The following THSD4 variants were observed in gnomAD, a reference collection of about 807,000 sequenced individuals.
The protein encoded by THSD4 is thrombospondin type-1 domain-containing protein 4.
In THSD4, 69 loss-of-function variants were observed where a neutral mutation model predicts 119.0. That is an observed-to-expected ratio of 0.58 (90% CI 0.48 to 0.71). The LOEUF is 0.71. Ranked by LOEUF, THSD4 falls within the 30% of genes least tolerant of loss-of-function variation. THSD4 has a pLI of 0.00. For missense variants in THSD4, 1,393 were observed against 1,391.1 expected (o/e 1.00, Z -0.02); for synonymous variants, 524 against 540.4 (o/e 0.97, Z 0.42).
At chr15:71,344,264 C>T (rs1169693118) in intron 6 of THSD4, among the ~76,000 whole-genome samples, 1 of 151,764 alleles carries the variant, frequency 6.6e-6, no homozygotes, top group African/African-American at 2.4e-5. Context: ...AGTATGGTCT[C>T]GATCTCCTGA....
At position 71,296,013 on chromosome 15, in the gene THSD4, A is replaced by G. The variant is rs145138132; in HGVS notation, c.1015+39298A>G. On this transcript the variant is annotated intron_variant, in intron 6 of 17. Transcript: ENST00000261862. ...ATAGCCTATTCCTTTCTATTGCTCA[A>G]TAATATGGCAATTGTATGATATGTC... 2.6e-3 allele frequency among the ~76,000 whole-genome samples: 389 copies of G among 152,310 alleles called. 1 individual carries two copies. Among genetic ancestry groups the G allele is most frequent in the African/African-American group, 8.9e-3 (370 of 41,556 alleles).
At position 71,465,878 on chromosome 15, in the gene THSD4, G is replaced by C. The variant is rs567962686; in HGVS notation, c.1152+54055G>C. On this transcript the variant is annotated intron_variant, in intron 7 of 17. Coordinates refer to ENST00000261862, the MANE Select transcript of THSD4 (RefSeq NM_024817.3). ...TCAGGGCATTTATTGGCACTTCCATGGGGGGTAGGTCCTGAAGTTTCCTGT... is the reference window on the plus strand; with the variant it reads ...TCAGGGCATTTATTGGCACTTCCATCGGGGGTAGGTCCTGAAGTTTCCTGT... Among the ~76,000 whole-genome samples the C allele has an allele frequency of 8.5e-5, 13 of 152,302 alleles. No individual in the cohort carries two copies. The South Asian group carries it at 1.9e-3, about 22-fold the overall frequency.
At position 71,394,335 on chromosome 15, in the gene THSD4, C is replaced by A. The variant is rs1487665942; in HGVS notation, c.1016-17352C>A. ...TTTCCCAGGCTGGAGTGCAGTCGTG[C>A]AATCTTGGCTCACTGCCACCTCCAC... On this transcript the variant is annotated intron_variant, in intron 6 of 17. Transcript: ENST00000261862. Among the ~76,000 whole-genome samples, 4 of 138,732 alleles carry A rather than the reference C, an allele frequency of 2.9e-5. No individual in the cohort carries two copies. The East Asian group carries it at 9.0e-4, about 31-fold the overall frequency. 91.0% of individuals were successfully genotyped at this position (138,732 alleles called of 152,430 possible).
At chr15:71,370,648 A>G (rs201126998) in intron 6 of THSD4, among the ~76,000 whole-genome samples, 2 of 152,162 alleles carry the variant, frequency 1.3e-5, no homozygotes, top group Non-Finnish European at 2.9e-5. Context: ...TCTGACAGAC[A>G]GTTTGTTATA....
At chr15:71,640,101 A>G (rs2050826914) in intron 7 of THSD4, among the ~76,000 whole-genome samples, 1 of 152,016 alleles carries the variant, frequency 6.6e-6, no homozygotes, top group Non-Finnish European at 1.5e-5. Context: ...TTTTTCTTTT[A>G]TTGGACAGTC....
intron 7 of THSD4, among the ~76,000 whole-genome samples, chr15:71,432,274 G>T (rs1039264135): frequency 2.0e-4 from 30 of 152,226 alleles, no homozygotes; most frequent in South Asian, 2.1e-4. Context: ...GTAGTTCAAG[G>T]TTGAAAAGAC....
chr15:71,617,147 T>G (rs1595791825), intron 7 of THSD4, among the ~76,000 whole-genome samples: 1 of 152,168 alleles, frequency 6.6e-6, no homozygotes, highest in East Asian at 1.9e-4. Context: ...CCAACTAACA[T>G]AAACTCCAAT....
intron 8 of THSD4, among the ~76,000 whole-genome samples, chr15:71,698,122 C>T (rs1384398782): frequency 6.6e-6 from 1 of 152,168 alleles, no homozygotes; most frequent in Non-Finnish European, 1.5e-5. Flanking sequence ...CCTTGAAAAT[C>T]ATTTGGTACT....
At chr15:71,516,806 G>C (rs1178007119) in intron 7 of THSD4, among the ~76,000 whole-genome samples, 1 of 152,062 alleles carries the variant, frequency 6.6e-6, no homozygotes, top group Non-Finnish European at 1.5e-5. Context: ...TTAAAATCTT[G>C]TGTTCATTTT....
At chr15:71,111,563 C>T (rs2040305435), upstream of THSD4, 1 of 646,326 alleles carries the variant, frequency 1.5e-6, no homozygotes, top group African/African-American at 1.8e-5. Flanking sequence ...CCATGCCTCC[C>T]TTATTTTCTT....
At chr15:71,251,681 G>A (rs1002311718) in intron 5 of THSD4, among the ~76,000 whole-genome samples, 2 of 152,174 alleles carry the variant, frequency 1.3e-5, no homozygotes, top group African/African-American at 4.8e-5. Flanking sequence ...CAGCCTTCAA[G>A]GTCATGTTCC....
Position 71,152,625 on chromosome 15 carries a change from C to G in THSD4, c.30-2238C>G, listed in dbSNP as rs118118297. Among the ~76,000 whole-genome samples the G allele has an allele frequency of 9.1e-3, 1,383 of 152,246 alleles. 9 individuals carry two copies. Among genetic ancestry groups the G allele is most frequent in the Middle Eastern group, 0.027 (8 of 294 alleles). Reference sequence around the variant, plus strand: ...GCCCACTCACTGCCATTGTGAATTCCTCCAGGGTGAAGCAGAGGAGAGGAG... The same window carrying G: ...GCCCACTCACTGCCATTGTGAATTCGTCCAGGGTGAAGCAGAGGAGAGGAG... On this transcript the variant is annotated intron_variant, in intron 2 of 17. Coordinates refer to ENST00000261862, the MANE Select transcript of THSD4 (RefSeq NM_024817.3).
chr15:71,441,397 A>ATTTTTTTT (rs1215547880), intron 7 of THSD4, among the ~76,000 whole-genome samples: 1,138 of 73,262 alleles, frequency 0.016, 122 homozygotes, highest in African/African-American at 0.019. Flanking sequence ...CACCTGTAGA[A>ATTTTTTTT]TTTTTTTTTT....
chr15:71,494,599 T>C (rs1228612502), intron 7 of THSD4, among the ~76,000 whole-genome samples: 1 of 151,984 alleles, frequency 6.6e-6, no homozygotes. Context: ...TTCTGGATTC[T>C]TGCCCATTAG....
chr15:71,417,555 G>A lies in THSD4; in HGVS notation c.1152+5732G>A, dbSNP rs114148404. Among the ~76,000 whole-genome samples the A allele has an allele frequency of 7.3e-3, 783 of 106,764 alleles. 217 individuals carry two copies. The highest frequency in any genetic ancestry group is 0.024 in the African/African-American group (742 of 31,338). 70.0% of individuals were successfully genotyped at this position (106,764 alleles called of 152,430 possible). A position where few individuals can be genotyped will look rare whatever the true frequency, so the allele number is the denominator to read the frequency against. Reference sequence around the variant, plus strand: ...GAAAATGAGTTCACTGTAGATGTGTGGATTTATTTCTAGGTTCTCTATTCT... The same window carrying A: ...GAAAATGAGTTCACTGTAGATGTGTAGATTTATTTCTAGGTTCTCTATTCT... On this transcript the variant is annotated intron_variant, in intron 7 of 17. Transcript: ENST00000261862.
In THSD4 at chr15:71,684,797, G is replaced by A. The variant is rs539989647; in HGVS notation, c.1357+24063G>A. Among the ~76,000 whole-genome samples the A allele has an allele frequency of 3.4e-4, 52 of 152,078 alleles. 1 individual carries two copies. In the South Asian group the frequency reaches 0.01, roughly 30 times the overall value. Reference sequence around the variant, plus strand: ...AGTGTTCCAATTTTTATGTGCTCTGGAAAAGCTTATATAATAATCTGTTCC... The same window carrying A: ...AGTGTTCCAATTTTTATGTGCTCTGAAAAAGCTTATATAATAATCTGTTCC... On this transcript the variant is annotated intron_variant, in intron 8 of 17. Transcript: ENST00000261862.
At chr15:71,724,068 TAAAA>T (rs71154796) in intron 8 of THSD4, among the ~76,000 whole-genome samples, 109,432 of 123,510 alleles carry the variant, frequency 0.89, 49,608 homozygotes, top group Non-Finnish European at 0.99. Flanking sequence ...TGTCTTTATT[TAAAA>T]AAAAAAAAAA....
intron 7 of THSD4, among the ~76,000 whole-genome samples, chr15:71,459,380 G>GTCTCTCTCTCTCTCTC (rs141034841): frequency 7.3e-6 from 1 of 137,754 alleles, no homozygotes; most frequent in Non-Finnish European, 1.5e-5. Context: ...CTGTCTCTCT[G>GTCTCTCTCTCTCTCTC]TCTCTCTCTC....
intron 10 of THSD4, among the ~76,000 whole-genome samples, chr15:71,736,538 T>TCTGTCTCTCTCTCTCG (rs1398459311): frequency 1.3e-5 from 2 of 152,056 alleles, no homozygotes; most frequent in Non-Finnish European, 2.9e-5. Context: ...TCTCTTGCTC[T>TCTGTCTCTCTCTCTCG]CTGTCTCTCT....
Sources: gnomAD v4.1 joint callset for allele counts (sites outside exome capture counted in the v4.1 genomes callset) on GRCh38, gnomAD v4.1.1 for gene constraint, MANE v1.5 for transcripts, NCBI Gene and HGNC (gene_info 2026-07-23, HGNC 2026-07-21) for gene names.